The following MGAT4D variants were observed in gnomAD, a reference collection of about 807,000 sequenced individuals.
MGAT4D encodes alpha-1,3-mannosyl-glycoprotein 4-beta-N-acetylglucosaminyltransferase-like protein MGAT4D.
A neutral mutation model predicts 15.9 loss-of-function variants in MGAT4D; 34 were observed. The ratio of observed to expected loss-of-function variants is 2.14; its 90% CI spans 1.62 to 2.84. MGAT4D has a LOEUF of 2.84. Ranked by LOEUF, MGAT4D falls within the 30% of genes most tolerant of loss-of-function variation. The pLI is 0.00. For synonymous variants in MGAT4D, 112 were observed against 48.2 expected (o/e 2.33, Z -5.49); for missense variants, 327 against 140.2 (o/e 2.33, Z -6.73).
chr4:140,467,150 G>A (rs1403093960), intron 5 of MGAT4D, among the ~76,000 whole-genome samples: 3 of 151,838 alleles, frequency 2.0e-5, no homozygotes, highest in East Asian at 1.9e-4. Context: ...GGGGATGAAA[G>A]TCTTACTGGC....
intron 10 of MGAT4D, among the ~76,000 whole-genome samples, chr4:140,444,388 T>C (rs886605077): frequency 6.6e-6 from 1 of 152,116 alleles, no homozygotes; most frequent in Non-Finnish European, 1.5e-5. Flanking sequence ...CTCCCTCAAG[T>C]AAGCCCCAGT....
intron 1 of MGAT4D, among the ~76,000 whole-genome samples, chr4:140,493,485 T>G (rs566245693): frequency 6.6e-6 from 1 of 151,662 alleles, no homozygotes; most frequent in Non-Finnish European, 1.5e-5. Context: ...TTAGTAGAGA[T>G]GGGGTTTCAC....
intron 1 of MGAT4D, among the ~76,000 whole-genome samples, chr4:140,487,608 T>C (rs944504035): frequency 6.6e-6 from 1 of 152,212 alleles, no homozygotes; most frequent in African/African-American, 2.4e-5. Flanking sequence ...TTTTACATTT[T>C]TGTACTAAAT....
chr4:140,445,091 G>A (rs1316321141), intron 10 of MGAT4D, among the ~76,000 whole-genome samples: 3 of 152,008 alleles, frequency 2.0e-5, no homozygotes, highest in Non-Finnish European at 2.9e-5. Flanking sequence ...CACTATGTTG[G>A]CCAGGCTGGT....
At chr4:140,491,714 C>A (rs753023608) in intron 1 of MGAT4D, among the ~76,000 whole-genome samples, 12 of 151,870 alleles carry the variant, frequency 7.9e-5, no homozygotes, top group Non-Finnish European at 1.2e-4. Context: ...CTTAAGGGAA[C>A]AGAGAGCGGA....
intron 1 of MGAT4D, among the ~76,000 whole-genome samples, chr4:140,489,816 G>C (rs897063680): frequency 6.6e-6 from 1 of 152,120 alleles, no homozygotes; most frequent in African/African-American, 2.4e-5. Flanking sequence ...ATGTCTCCTA[G>C]TAAACATGTT....
intron 4 of MGAT4D, 144 bp downstream of exon 4, chr4:140,474,668 TG>T: frequency 2.4e-6 from 1 of 424,478 alleles, no homozygotes; most frequent in Non-Finnish European, 4.2e-6. Flanking sequence ...GTATGTTGTC[TG>T]GTATCCAAAA....
In MGAT4D at chr4:140,456,574, A is replaced by G. The variant is rs1730816944; in HGVS notation, c.1008+15T>C. 2 of 617,870 alleles carry G rather than the reference A, an allele frequency of 3.2e-6. No individual in the cohort carries two copies. Among genetic ancestry groups the G allele is most frequent in the South Asian group, 3.9e-5 (2 of 51,758 alleles). 38.3% of individuals were successfully genotyped at this position (617,870 alleles called of 1,614,324 possible). A position where few individuals can be genotyped will look rare whatever the true frequency, so the allele number is the denominator to read the frequency against. The stretch of plus-strand genomic sequence containing the variant: ...TTTTCCTAAAATATTTGGTATTCAT[A>G]AAGTAAATACTCACAAGATCTTCTC... On this transcript the variant is annotated intron_variant, in intron 9 of 10. Transcript: ENST00000511113.
At chr4:140,449,187 A>G (rs1361056886) in intron 10 of MGAT4D, among the ~76,000 whole-genome samples, 1 of 152,214 alleles carries the variant, frequency 6.6e-6, no homozygotes, top group Non-Finnish European at 1.5e-5. Flanking sequence ...GAATTTTCAG[A>G]AAGTATGGTT....
intron 3 of MGAT4D, among the ~76,000 whole-genome samples, chr4:140,477,726 A>T (rs1732432001): frequency 6.6e-6 from 1 of 152,256 alleles, no homozygotes; most frequent in Non-Finnish European, 1.5e-5. Context: ...ACTTCACCTC[A>T]TGTGCACTGA....
intron 9 of MGAT4D, among the ~76,000 whole-genome samples, chr4:140,453,276 G>A (rs1730585533): frequency 6.6e-6 from 1 of 151,892 alleles, no homozygotes; most frequent in African/African-American, 2.4e-5. Context: ...AGCTTTGGTA[G>A]AATATCTACC....
At chr4:140,494,570 C>CTA (rs1352713617) in intron 1 of MGAT4D, among the ~76,000 whole-genome samples, 2 of 152,152 alleles carry the variant, frequency 1.3e-5, no homozygotes, top group Admixed American at 1.3e-4. Context: ...ACTGCCTATT[C>CTA]AACACTTTCA....
intron 3 of MGAT4D, among the ~76,000 whole-genome samples, chr4:140,477,698 T>C (rs56008474): frequency 4.2e-3 from 641 of 152,350 alleles, no homozygotes; most frequent in Non-Finnish European, 7.8e-3. Context: ...TTTCTGCATA[T>C]ACCCTGCCAA....
intron 1 of MGAT4D, among the ~76,000 whole-genome samples, chr4:140,483,870 T>C (rs1014543074): frequency 5.3e-5 from 8 of 152,136 alleles, no homozygotes; most frequent in Admixed American, 3.3e-4. Flanking sequence ...TAAAAATGGA[T>C]GAAAGACTTA....
At chr4:140,482,231 T>C (rs1732781533) in intron 2 of MGAT4D, 96 bp downstream of exon 2, 1 of 541,118 alleles carries the variant, frequency 1.8e-6, no homozygotes, top group East Asian at 3.2e-5. Flanking sequence ...CCAGTACTGA[T>C]ATAGTTAAGT....
At chr4:140,469,484 G>T (rs1731770320) in intron 5 of MGAT4D, among the ~76,000 whole-genome samples, 1 of 152,066 alleles carries the variant, frequency 6.6e-6, no homozygotes, top group African/African-American at 2.4e-5. Flanking sequence ...GCCTATTTTG[G>T]GGGAGTAGGC....
chr4:140,488,670 A>G (rs948244944), intron 1 of MGAT4D, among the ~76,000 whole-genome samples: 13 of 152,224 alleles, frequency 8.5e-5, no homozygotes, highest in African/African-American at 2.9e-4. Flanking sequence ...ATAAGTGCAT[A>G]GAGTGTGAAA....
intron 1 of MGAT4D, among the ~76,000 whole-genome samples, chr4:140,491,515 G>A (rs1328582843): frequency 3.9e-5 from 6 of 152,020 alleles, no homozygotes; most frequent in Admixed American, 3.9e-4. Context: ...AGCCAAGAGG[G>A]GGAACATATG....
intron 1 of MGAT4D, among the ~76,000 whole-genome samples, chr4:140,483,766 C>A (rs533577448): frequency 6.6e-6 from 1 of 152,174 alleles, no homozygotes; most frequent in South Asian, 2.1e-4. Context: ...AGGGAAAGAA[C>A]AGTGTCTTCA....
Sources: gnomAD v4.1 joint callset for allele counts (sites outside exome capture counted in the v4.1 genomes callset) on GRCh38, gnomAD v4.1.1 for gene constraint, MANE v1.5 for transcripts, NCBI Gene and HGNC (gene_info 2026-07-23, HGNC 2026-07-21) for gene names.